Variants in CNTLN observed in about 807,000 individuals in gnomAD.
CNTLN encodes the protein centlein, centrosomal protein.
In CNTLN, 212 loss-of-function variants were observed where a neutral mutation model predicts 180.0. The observed-to-expected ratio is 1.18, with a 90% CI of 1.05 to 1.32. The LOEUF (loss-of-function observed/expected upper bound fraction) is 1.32. Among genes scored for constraint, CNTLN ranks in the 40% most tolerant of loss-of-function variants. CNTLN has a pLI of 0.00. For missense variants in CNTLN, 2,095 were observed against 1,610.9 expected (o/e 1.30, Z -5.14); for synonymous variants, 722 against 563.1 (o/e 1.28, Z -3.99).
rs150518569 is a variant in CNTLN at position 17,350,323 on chromosome 9, A to T, written c.1886+7879A>T. ...TTGGCTAAGTAAATCAGAAATGTGC[A>T]GTGGTTTAGTAATAGGTCTTTCTAT... is the stretch of plus-strand genomic sequence containing the variant. On this transcript the variant is annotated intron_variant, in intron 12 of 25. Transcript: ENST00000380647. 6.6e-5 allele frequency among the ~76,000 whole-genome samples: 10 copies of T among 152,328 alleles called. No individual in the cohort carries two copies. The East Asian group carries it at 1.9e-3, about 29-fold the overall frequency.
intron 6 of CNTLN, among the ~76,000 whole-genome samples, chr9:17,288,521 C>G (rs1056625448): frequency 9.9e-5 from 14 of 141,934 alleles, no homozygotes; most frequent in Admixed American, 6.3e-4. Flanking sequence ...ATGTCTATTA[C>G]GTCCACTTGG....
chr9:17,487,130 A>C, intron 25 of CNTLN, 64 bp downstream of exon 25: 1 of 1,097,356 alleles, frequency 9.1e-7, no homozygotes. Flanking sequence ...TTACATTTTC[A>C]CCAGATGTCT....
intron 15 of CNTLN, among the ~76,000 whole-genome samples, chr9:17,396,494 C>T (rs1437318911): frequency 6.6e-6 from 1 of 152,118 alleles, no homozygotes; most frequent in African/African-American, 2.4e-5. Flanking sequence ...TTTATAATGA[C>T]ATATGTCCTT....
intron 10 of CNTLN, among the ~76,000 whole-genome samples, chr9:17,333,513 A>G (rs1587686129): frequency 1.3e-5 from 2 of 152,266 alleles, no homozygotes; most frequent in African/African-American, 2.4e-5. Context: ...TGCAGTACAC[A>G]TGAAGCTCAG....
intron 2 of CNTLN, among the ~76,000 whole-genome samples, chr9:17,152,673 G>C (rs1477080189): frequency 2.0e-5 from 3 of 152,124 alleles, no homozygotes; most frequent in Admixed American, 2.0e-4. Flanking sequence ...ATGTCTATTA[G>C]GTCCCCCTGG....
intron 15 of CNTLN, among the ~76,000 whole-genome samples, chr9:17,402,772 C>G (rs571888353): frequency 1.3e-5 from 2 of 151,902 alleles, no homozygotes; most frequent in African/African-American, 4.8e-5. Context: ...AATTGACTTT[C>G]CTGGGTTTCC....
At chr9:17,316,941 T>C (rs1819578452) in intron 8 of CNTLN, among the ~76,000 whole-genome samples, 1 of 152,156 alleles carries the variant, frequency 6.6e-6, no homozygotes, top group Admixed American at 6.5e-5. Context: ...CTTTATGCTT[T>C]TATTGTCACA....
intron 5 of CNTLN, among the ~76,000 whole-genome samples, chr9:17,261,881 A>C (rs774691266): frequency 6.6e-6 from 1 of 151,664 alleles, no homozygotes; most frequent in South Asian, 2.1e-4. Context: ...CAAATTTACA[A>C]GTAAAAAACA....
chr9:17,500,372 A>G (rs1833679284), intron 25 of CNTLN, among the ~76,000 whole-genome samples: 1 of 152,238 alleles, frequency 6.6e-6, no homozygotes, highest in Admixed American at 6.5e-5. Context: ...AGATTACAAG[A>G]TAATAAGAGT....
the CNTLN span, among the ~76,000 whole-genome samples, chr9:17,527,057 A>AT: frequency 6.6e-6 from 1 of 152,052 alleles, no homozygotes; most frequent in Non-Finnish European, 1.5e-5. Context: ...TATTTTCTGT[A>AT]TTTTTAGTAG....
At chr9:17,466,953 C>A in intron 23 of CNTLN, 62 bp downstream of exon 23, 1 of 1,164,388 alleles carries the variant, frequency 8.6e-7, no homozygotes, top group Non-Finnish European at 1.2e-6. Flanking sequence ...CAGTAGCCTA[C>A]TTGAGATGAT....
intron 3 of CNTLN, 92 bp from the exon 4 acceptor site, chr9:17,235,566 A>T: frequency 2.0e-6 from 2 of 1,013,034 alleles, no homozygotes; most frequent in Non-Finnish European, 2.9e-6. Context: ...TTTAATCATC[A>T]CATTAGCAAA....
intron 6 of CNTLN, among the ~76,000 whole-genome samples, chr9:17,287,824 G>A (rs1178563201): frequency 1.6e-3 from 220 of 138,502 alleles, no homozygotes; most frequent in Middle Eastern, 7.5e-3. Flanking sequence ...TCTGATGGTA[G>A]TTTGTATTTC....
chr9:17,440,150 C>T (rs1351059532), intron 18 of CNTLN, among the ~76,000 whole-genome samples: 1 of 152,030 alleles, frequency 6.6e-6, no homozygotes, highest in African/African-American at 2.4e-5. Flanking sequence ...AAATTGTAAC[C>T]TTCATACAAT....
At chr9:17,441,526 G>A (rs1377197966) in intron 18 of CNTLN, among the ~76,000 whole-genome samples, 1 of 149,904 alleles carries the variant, frequency 6.7e-6, no homozygotes, top group African/African-American at 2.5e-5. Flanking sequence ...GCTCCATGGT[G>A]ATCACGAAGA....
At position 17,319,858 on chromosome 9, in the gene CNTLN, T is replaced by TA. The variant is rs773100937; in HGVS notation, c.1341+10607dup. On this transcript the variant is annotated intron_variant, in intron 8 of 25. Coordinates refer to ENST00000380647, the MANE Select transcript of CNTLN (RefSeq NM_017738.4). Reference sequence around the variant, plus strand: ...TCCTATCTCAACTTGTAATCCAAATTATTGGTGAGCTGACAGTCTTTGCCA... The same window carrying TA: ...TCCTATCTCAACTTGTAATCCAAATTAATTGGTGAGCTGACAGTCTTTGCCA... Among the ~76,000 whole-genome samples, 144 of 152,224 alleles carry TA rather than the reference T, an allele frequency of 9.5e-4. 1 individual carries two copies. Among genetic ancestry groups the TA allele is most frequent in the Non-Finnish European group, 9.3e-4 (63 of 68,014 alleles).
the CNTLN span, among the ~76,000 whole-genome samples, chr9:17,518,790 T>C: frequency 1.3e-5 from 2 of 152,132 alleles, no homozygotes; most frequent in Admixed American, 1.3e-4. Flanking sequence ...CCCCTGTAAT[T>C]ATGGAAACAC....
rs74480264 is a variant in CNTLN at position 17,254,283 on chromosome 9, T to C, written c.849+17695T>C. 4.6e-5 allele frequency among the ~76,000 whole-genome samples: 7 copies of C among 151,800 alleles called. No homozygotes were observed. In the East Asian group the frequency reaches 1.2e-3, roughly 25 times the overall value. ...TGAACAAAAGTTTTCAATTTTGAGG[T>C]AGTACCATCTGTATGCTTTTGGCAT... On this transcript the variant is annotated intron_variant, in intron 5 of 25. Coordinates refer to ENST00000380647, the MANE Select transcript of CNTLN (RefSeq NM_017738.4).
At chr9:17,464,703 A>G in intron 21 of CNTLN, 80 bp downstream of exon 21, 1 of 888,204 alleles carries the variant, frequency 1.1e-6, no homozygotes. Context: ...ATTTAATCCT[A>G]ATAAATGTAT....
Sources: gnomAD v4.1 joint callset for allele counts (sites outside exome capture counted in the v4.1 genomes callset) on GRCh38, gnomAD v4.1.1 for gene constraint, MANE v1.5 for transcripts, NCBI Gene and HGNC (gene_info 2026-07-23, HGNC 2026-07-21) for gene names.